The following INPP4B variants were observed in gnomAD, a reference collection of about 807,000 sequenced individuals.
INPP4B encodes the protein inositol polyphosphate 4-phosphatase type II.
A neutral mutation model predicts 122.5 loss-of-function variants in INPP4B; 55 were observed. The observed-to-expected ratio is 0.45, with a 90% CI of 0.36 to 0.56. The LOEUF is 0.56. Among genes scored for constraint, INPP4B ranks in the 20% least tolerant of loss-of-function variants. The pLI is 0.00. For synonymous variants in INPP4B, 403 were observed against 388.7 expected (o/e 1.04, Z -0.43); for missense variants, 1,000 against 1,097.7 (o/e 0.91, Z 1.26).
intron 1 of INPP4B, among the ~76,000 whole-genome samples, chr4:142,794,246 T>C (rs537009700): frequency 7.9e-5 from 12 of 152,016 alleles, no homozygotes; most frequent in Non-Finnish European, 1.2e-4. Context: ...TTTTAAGCTA[T>C]AAATAAAGTA....
intron 7 of INPP4B, among the ~76,000 whole-genome samples, chr4:142,390,475 T>C (rs987542743): frequency 3.3e-5 from 5 of 152,328 alleles, no homozygotes; most frequent in Admixed American, 2.6e-4. Flanking sequence ...ACCTTTAACA[T>C]ATTTGATAGG....
intron 11 of INPP4B, among the ~76,000 whole-genome samples, chr4:142,251,178 C>T (rs1010042060): frequency 3.3e-5 from 5 of 152,038 alleles, no homozygotes; most frequent in Non-Finnish European, 4.4e-5. Context: ...TTATACTTAA[C>T]CAATAAGCAT....
chr4:142,641,789 G>A lies in INPP4B; in HGVS notation c.-191+84050C>T, dbSNP rs535886200. 1.3e-5 allele frequency among the ~76,000 whole-genome samples: 2 copies of A among 152,280 alleles called. 1 individual carries two copies. Among genetic ancestry groups the A allele is most frequent in the South Asian group, 4.1e-4 (2 of 4,822 alleles). On this transcript the variant is annotated intron_variant, in intron 2 of 25. Coordinates refer to ENST00000262992, the MANE Select transcript of INPP4B (RefSeq NM_001101669.3). ...GTCCTTTGGGTATATACCCAGTAAT[G>A]ATTTGGCTGTGTCAAATGGTATTTC...
chr4:142,147,378 C>T lies in INPP4B; in HGVS notation c.1564-1382G>A, dbSNP rs550042396. ...TTATGTGATGGCTATGTTGTAAAGA[C>T]GGAGTGCACAGACATGCCTACTTTA... On this transcript the variant is annotated intron_variant, in intron 17 of 25. Transcript: ENST00000262992. 2.8e-4 allele frequency among the ~76,000 whole-genome samples: 42 copies of T among 152,240 alleles called. 1 individual carries two copies. Among genetic ancestry groups the T allele is most frequent in the Non-Finnish European group, 5.1e-4 (35 of 68,022 alleles).
At chr4:142,774,175 G>A (rs1181921180) in intron 1 of INPP4B, among the ~76,000 whole-genome samples, 2 of 152,012 alleles carry the variant, frequency 1.3e-5, no homozygotes, top group Non-Finnish European at 2.9e-5. Flanking sequence ...AATGATCAGA[G>A]AAAAACTTGC....
chr4:142,656,251 A>G (rs2150564931), intron 2 of INPP4B, among the ~76,000 whole-genome samples: 1 of 152,198 alleles, frequency 6.6e-6, no homozygotes, highest in South Asian at 2.1e-4. Flanking sequence ...TGTTTTGCTC[A>G]CCCTTTAAAC....
At chr4:142,395,749 T>C (rs897521219) in intron 7 of INPP4B, among the ~76,000 whole-genome samples, 2 of 152,152 alleles carry the variant, frequency 1.3e-5, no homozygotes, top group African/African-American at 4.8e-5. Flanking sequence ...CCATAATATG[T>C]GCCTGGATGA....
intron 17 of INPP4B, among the ~76,000 whole-genome samples, chr4:142,151,415 C>T (rs533630656): frequency 6.6e-6 from 1 of 152,156 alleles, no homozygotes; most frequent in Non-Finnish European, 1.5e-5. Context: ...TTTAACTTCA[C>T]CTATTTCCTT....
intron 7 of INPP4B, among the ~76,000 whole-genome samples, chr4:142,354,675 T>G (rs949659202): frequency 8.6e-5 from 13 of 151,970 alleles, no homozygotes; most frequent in African/African-American, 2.4e-4. Context: ...AAACTGAAAC[T>G]TAGCAAGGTC....
chr4:142,243,286 T>TTTAA (rs1860443227), intron 11 of INPP4B, among the ~76,000 whole-genome samples: 2 of 152,220 alleles, frequency 1.3e-5, no homozygotes, highest in African/African-American at 4.8e-5. Context: ...TTAGGAAAGA[T>TTTAA]AGTTGAAGCA....
chr4:142,167,524 G>A (rs918093133), intron 16 of INPP4B, among the ~76,000 whole-genome samples: 6 of 151,742 alleles, frequency 4.0e-5, no homozygotes, highest in Admixed American at 2.0e-4. Context: ...AAACCTGCAC[G>A]TACTGCACAT....
chr4:142,357,963 T>C (rs1046045835), intron 7 of INPP4B, among the ~76,000 whole-genome samples: 5 of 152,012 alleles, frequency 3.3e-5, no homozygotes, highest in African/African-American at 1.2e-4. Flanking sequence ...AAAGACTTGA[T>C]ATGTTTCTTT....
intron 2 of INPP4B, among the ~76,000 whole-genome samples, chr4:142,515,447 T>C (rs920265385): frequency 6.6e-6 from 1 of 152,168 alleles, no homozygotes; most frequent in African/African-American, 2.4e-5. Flanking sequence ...GCCTTTTTTT[T>C]CACACTAACA....
intron 2 of INPP4B, among the ~76,000 whole-genome samples, chr4:142,557,655 A>G (rs1384620075): frequency 6.6e-6 from 1 of 152,204 alleles, no homozygotes; most frequent in African/African-American, 2.4e-5. Flanking sequence ...TAACCCCAAC[A>G]TGTCGGAAGT....
At chr4:142,415,573 A>G (rs1281290246) in intron 5 of INPP4B, among the ~76,000 whole-genome samples, 1 of 152,012 alleles carries the variant, frequency 6.6e-6, no homozygotes, top group African/African-American at 2.4e-5. Flanking sequence ...AACTAGTTCA[A>G]CCATTGTGGA....
At chr4:142,310,125 G>T (rs931677915) in intron 8 of INPP4B, among the ~76,000 whole-genome samples, 2 of 144,512 alleles carry the variant, frequency 1.4e-5, no homozygotes, top group East Asian at 2.0e-4. Flanking sequence ...CAAAGCACAG[G>T]TTTTTTTTTT....
chr4:142,541,906 C>T (rs1209514210), intron 2 of INPP4B, among the ~76,000 whole-genome samples: 6 of 152,178 alleles, frequency 3.9e-5, no homozygotes, highest in South Asian at 2.1e-4. Context: ...GTGAAGATCA[C>T]GATGGCCACC....
intron 3 of INPP4B, among the ~76,000 whole-genome samples, chr4:142,447,305 C>T (rs947214402): frequency 6.6e-6 from 1 of 152,122 alleles, no homozygotes; most frequent in Non-Finnish European, 1.5e-5. Context: ...ATAGTGGACA[C>T]AGTGTTGGGA....
intron 16 of INPP4B, among the ~76,000 whole-genome samples, chr4:142,170,732 T>C (rs1243903471): frequency 6.6e-6 from 1 of 151,816 alleles, no homozygotes; most frequent in Non-Finnish European, 1.5e-5. Flanking sequence ...AACATCGTAA[T>C]AACCACTACT....
Sources: allele counts gnomAD v4.1 joint callset (sites outside exome capture counted in the v4.1 genomes callset), GRCh38; gene constraint gnomAD v4.1.1; transcripts MANE v1.5; gene names NCBI Gene and HGNC (gene_info 2026-07-23, HGNC 2026-07-21).